The following BID variants were observed in gnomAD, a reference collection of about 807,000 sequenced individuals.
BID encodes the protein BH3-interacting domain death agonist.
In BID, 19 loss-of-function variants were observed where a neutral mutation model predicts 17.4. That is an observed-to-expected ratio of 1.09 (90% CI 0.76 to 1.60). BID has a LOEUF of 1.60. BID is among the 40% of genes most tolerant of loss of function. The pLI, the probability that BID is intolerant of heterozygous loss-of-function variation, is 0.00. For missense variants in BID, 226 were observed against 256.0 expected (o/e 0.88, Z 0.80); for synonymous variants, 108 against 102.8 (o/e 1.05, Z -0.31).
intron 1 of BID, among the ~76,000 whole-genome samples, chr22:17,751,393 A>G (rs2061538899): frequency 6.6e-6 from 1 of 151,938 alleles, no homozygotes. Context: ...AAAAAAAAAA[A>G]GACTGAACAC....
intron 5 of BID, among the ~76,000 whole-genome samples, chr22:17,736,730 T>G (rs2061422560): frequency 6.6e-6 from 1 of 152,016 alleles, no homozygotes; most frequent in Non-Finnish European, 1.5e-5. Flanking sequence ...AAAGAGATCC[T>G]TCTGCCCCAG....
At chr22:17,746,980 T>C (rs2061499177) in intron 2 of BID, among the ~76,000 whole-genome samples, 1 of 152,168 alleles carries the variant, frequency 6.6e-6, no homozygotes, top group Non-Finnish European at 1.5e-5. Context: ...CTTGGTAAAT[T>C]GGCATCCAGA....
At position 17,740,337 on chromosome 22, in the gene BID, G is replaced by T. The variant is rs1442704342; in HGVS notation, c.224-849C>A. Reference sequence around the variant, plus strand: ...GCCTGTAATCCCAGTGCTTTGGGAGGCTGAGGACAGAAGATTGCTTAAGGC... The same window carrying T: ...GCCTGTAATCCCAGTGCTTTGGGAGTCTGAGGACAGAAGATTGCTTAAGGC... On this transcript the variant is annotated intron_variant, in intron 3 of 5. Transcript: ENST00000622694. 7 of 661,648 alleles carry T rather than the reference G, an allele frequency of 1.1e-5. No individual in the cohort carries two copies. The Admixed American group carries it at 1.3e-4, about 13-fold the overall frequency. 41.0% of individuals were successfully genotyped at this position (661,648 alleles called of 1,614,324 possible). A position where few individuals can be genotyped will look rare whatever the true frequency, so the allele number is the denominator to read the frequency against.
Position 17,738,065 on chromosome 22 carries a change from A to G in BID, c.528T>C (p.Asn176=), listed in dbSNP as rs11538. ...AGGTGCGTAGGTTCTGGTTAATAAA[A>G]TTCACTGTTGTGTGAAAGACATCAC... The part of the protein sequence containing the change: ...LLRDVFHTTV[N]FINQNLRTYV... The change falls in exon 5 of 6, where the codon AAT becomes AAC. Residue 176 remains asparagine, a synonymous_variant. Coordinates refer to ENST00000622694, the MANE Select transcript of BID (RefSeq NM_001196.4). 244,757 of 1,614,094 alleles carry G rather than the reference A, an allele frequency of 0.15. 20,716 individuals carry two copies. The highest frequency in any genetic ancestry group is 0.17 in the Non-Finnish European group (204,014 of 1,179,988).
intron 1 of BID, among the ~76,000 whole-genome samples, chr22:17,760,633 C>T (rs923565328): frequency 6.6e-6 from 1 of 152,046 alleles, no homozygotes; most frequent in African/African-American, 2.4e-5. Flanking sequence ...CTCAGCAGCC[C>T]GTCGCACTCT....
At chr22:17,737,947 G>C (rs2061431366) in intron 5 of BID, 70 bp downstream of exon 5, 12 of 1,550,910 alleles carry the variant, frequency 7.7e-6, no homozygotes, top group Admixed American at 1.7e-5. Flanking sequence ...GCCCCGCTGG[G>C]CTTCTCAACC....
chr22:17,743,901 T>C lies in BID; in HGVS notation c.125A>G (p.His42Arg), dbSNP rs1336284212. ...SFRRELDALG[H>R]ELPVLAPQWE... ...CTGGGGAGCCAGCACTGGCAGCTCG[T>C]GGCCCAGTGCGTCCAGCTCTCTGCG... is the stretch of plus-strand genomic sequence containing the variant. Residue 42 changes from histidine (H) to arginine (R), a missense_variant, in exon 3 of 6, where the codon CAC becomes CGC. Transcript: ENST00000622694. 4 of 1,613,582 alleles carry C rather than the reference T, an allele frequency of 2.5e-6. No homozygotes were observed. The East Asian group carries it at 6.7e-5, about 27-fold the overall frequency.
In BID at chr22:17,738,299, T is replaced by A. The variant is rs2061434498; in HGVS notation, c.364-70A>T. The A allele has an allele frequency of 3.5e-6, 5 of 1,431,990 alleles. No individual in the cohort carries two copies. In the Admixed American group the frequency reaches 9.0e-5, roughly 26 times the overall value. The allele number at this position is 1,431,990 out of a possible 1,614,324, so 88.7% of individuals were successfully genotyped here. ...CTCTCAAAGGAAAGACAGTCCCCAG[T>A]ATGAAGAAGCACTTCAAAGTACTTA... On this transcript the variant is annotated intron_variant, in intron 4 of 5. Transcript: ENST00000622694.
chr22:17,750,218 C>A (rs1372873319), intron 1 of BID, 44 bp from the exon 2 acceptor site: 1 of 1,551,448 alleles, frequency 6.4e-7, no homozygotes, highest in Non-Finnish European at 8.8e-7. Flanking sequence ...CTGGGAAGCC[C>A]TGGTCAGGAC....
intron 1 of BID, among the ~76,000 whole-genome samples, chr22:17,759,258 A>ACAAAAAAAAAAAC (rs59238323): frequency 1.3e-5 from 2 of 148,188 alleles, no homozygotes; most frequent in Non-Finnish European, 3.0e-5. Context: ...AAAAAAAAAA[A>ACAAAAAAAAAAAC]ACAAAAGAAC....
rs539522191 is a variant in BID at position 17,770,599 on chromosome 22, C to T, written c.-59+3782G>A. Among the ~76,000 whole-genome samples, 17 of 152,364 alleles carry T rather than the reference C, an allele frequency of 1.1e-4. No individual in the cohort carries two copies. The East Asian group carries it at 3.3e-3, about 29-fold the overall frequency. On this transcript the variant is annotated intron_variant, in intron 1 of 5. Coordinates refer to ENST00000622694, the MANE Select transcript of BID (RefSeq NM_001196.4). ...ACCCAGATGCAGAGGTGCCCCATAA[C>T]AGAAATAGAGCAACTACTGCCAGCC...
intron 5 of BID, among the ~76,000 whole-genome samples, chr22:17,736,965 A>G (rs181386): frequency 0.78 from 118,631 of 151,844 alleles, 46,631 homozygotes; most frequent in East Asian, 0.94. Context: ...CACCACACCC[A>G]GCTAATTTTT....
chr22:17,773,897 T>C lies in BID; in HGVS notation c.-59+484A>G, dbSNP rs374648998. 8.3e-5 allele frequency: 50 copies of C among 602,394 alleles called. No homozygotes were observed. Among genetic ancestry groups the C allele is most frequent in the African/African-American group, 4.6e-4 (25 of 53,934 alleles). 37.3% of individuals were successfully genotyped at this position (602,394 alleles called of 1,614,324 possible). On this transcript the variant is annotated intron_variant, in intron 1 of 5. Transcript: ENST00000622694. The surrounding 1 kb of genome is among the most constrained non-coding windows in gnomAD (Gnocchi z 4.4). ...CGCTCTGACCGCGCTTTGTCAGCCC[T>C]GAGCTCCGCTCGGGAGGAGCCGGCA...
rs963513527 is a variant in BID, at chr22:17,773,502, G to A, written c.-59+879C>T. On this transcript the variant is annotated intron_variant, in intron 1 of 5. Transcript: ENST00000622694. The surrounding 1 kb of genome is among the most constrained non-coding windows in gnomAD (Gnocchi z 4.4). The stretch of plus-strand genomic sequence containing the variant: ...CTCCAGGAAGGGGGTGCAAGCCTGA[G>A]AAGGTGGAAGAGCTCTGGGTGGGTC... 2.6e-6 allele frequency: 3 copies of A among 1,146,542 alleles called. No individual in the cohort carries two copies. The highest frequency in any genetic ancestry group is 2.6e-6 in the Non-Finnish European group (2 of 779,994). 71.0% of individuals were successfully genotyped at this position (1,146,542 alleles called of 1,614,324 possible).
chr22:17,740,492 CG>C (rs2061451785), intron 3 of BID: 1 of 258,954 alleles, frequency 3.9e-6, no homozygotes, highest in Non-Finnish European at 7.7e-6. Flanking sequence ...TGCAGTGGCG[CG>C]ATCTCGGCTC....
chr22:17,745,682 GC>G (rs1328115926), intron 2 of BID, among the ~76,000 whole-genome samples: 4 of 151,782 alleles, frequency 2.6e-5, no homozygotes. Context: ...AAAATAAGGA[GC>G]TTGGCCGGGC....
intron 5 of BID, among the ~76,000 whole-genome samples, chr22:17,736,877 C>T (rs917328188): frequency 3.3e-5 from 5 of 152,032 alleles, no homozygotes; most frequent in Non-Finnish European, 7.4e-5. Context: ...GATTGCGGCT[C>T]ACTGCAACCT....
In BID at chr22:17,750,194, G is replaced by C; in HGVS notation, c.-58-20C>G. The C allele has an allele frequency of 6.2e-7, 1 of 1,602,700 alleles. No homozygotes were observed. Among genetic ancestry groups the C allele is most frequent in the Non-Finnish European group, 8.5e-7 (1 of 1,174,974 alleles). On this transcript the variant is annotated intron_variant, in intron 1 of 5. Transcript: ENST00000622694. ...GGCGACCTGGAAAGGGACACACAGA[G>C]TGGGCGGCCGCTCCTGGGAAGCCCT...
intron 3 of BID, chr22:17,740,149 G>C: frequency 6.2e-7 from 1 of 1,612,226 alleles, no homozygotes; most frequent in South Asian, 1.1e-5. Flanking sequence ...TTCTTCCTCA[G>C]CACTTGCTGT....
Sources: allele counts gnomAD v4.1 joint callset (sites outside exome capture counted in the v4.1 genomes callset), GRCh38; gene constraint gnomAD v4.1.1; non-coding constraint Gnocchi (gnomAD v3.1); transcripts MANE v1.5; gene names NCBI Gene and HGNC (gene_info 2026-07-23, HGNC 2026-07-21).